The following PSIP1 variants were observed in gnomAD, a reference collection of about 807,000 sequenced individuals.
PSIP1 encodes PC4 and SFRS1-interacting protein.
In PSIP1, 19 loss-of-function variants were observed where a neutral mutation model predicts 74.7. The observed-to-expected ratio is 0.25, with a 90% CI of 0.18 to 0.37. PSIP1 has a LOEUF of 0.37. PSIP1 is among the 10% of genes least tolerant of loss of function. PSIP1 has a pLI of 1.00. For missense variants in PSIP1, 601 were observed against 614.3 expected (o/e 0.98, Z 0.23); for synonymous variants, 222 against 195.3 (o/e 1.14, Z -1.14).
At chr9:15,489,073 A>T (rs1195223525) in intron 4 of PSIP1, among the ~76,000 whole-genome samples, 1 of 152,192 alleles carries the variant, frequency 6.6e-6, no homozygotes, top group Non-Finnish European at 1.5e-5. Context: ...AGGAGAAGTA[A>T]GAGAACCAGT....
intron 2 of PSIP1, among the ~76,000 whole-genome samples, chr9:15,507,617 G>A (rs999100523): frequency 2.0e-5 from 3 of 151,974 alleles, no homozygotes; most frequent in Admixed American, 6.6e-5. Context: ...AAGCCTGGGT[G>A]ACAGAGTGAG....
intron 11 of PSIP1, 56 bp downstream of exon 11, chr9:15,469,880 CTA>C: frequency 7.1e-7 from 1 of 1,404,782 alleles, no homozygotes; most frequent in Non-Finnish European, 1.0e-6. Flanking sequence ...AAAGTTATGT[CTA>C]TATAACTTCT....
At chr9:15,470,987 G>C in intron 10 of PSIP1, 2 of 1,315,772 alleles carry the variant, frequency 1.5e-6, no homozygotes, top group South Asian at 3.9e-5. Context: ...TTAGTATGTA[G>C]TGTGTACCTT....
chr9:15,501,866 T>TATATATATAAAA (rs1491160431), intron 3 of PSIP1, among the ~76,000 whole-genome samples: 10 of 135,654 alleles, frequency 7.4e-5, no homozygotes, highest in African/African-American at 2.8e-4. Flanking sequence ...TATATATATA[T>TATATATATAAAA]AAAACGCACA....
intron 15 of PSIP1, 74 bp from the exon 16 acceptor site, chr9:15,465,654 G>T: frequency 3.2e-6 from 4 of 1,261,192 alleles, no homozygotes; most frequent in Non-Finnish European, 4.5e-6. Flanking sequence ...CATTAAGTCT[G>T]CATTATATTT....
chr9:15,505,732 T>A (rs1393615590), intron 3 of PSIP1: 1 of 152,196 alleles, frequency 6.6e-6, no homozygotes, highest in African/African-American at 2.4e-5. Flanking sequence ...GTAAATTCCA[T>A]CTCAATAGAG....
At chr9:15,492,263 A>G (rs2036865709) in intron 3 of PSIP1, 1 of 152,262 alleles carries the variant, frequency 6.6e-6, no homozygotes, top group South Asian at 2.1e-4. Context: ...CTTCCTAGAT[A>G]CAATGGGGGG....
At chr9:15,472,185 G>A in intron 10 of PSIP1, 9 of 986,436 alleles carry the variant, frequency 9.1e-6, no homozygotes, top group Non-Finnish European at 1.1e-5. Context: ...ACTTTTACTG[G>A]CTTCCTGGGT....
At position 15,486,237 on chromosome 9, in the gene PSIP1, G is replaced by A. The variant is rs539144072; in HGVS notation, c.394-169C>T. 1.5e-4 allele frequency among the ~76,000 whole-genome samples: 23 copies of A among 152,298 alleles called. No individual in the cohort carries two copies. In the East Asian group the frequency reaches 3.3e-3, roughly 22 times the overall value. On this transcript the variant is annotated intron_variant, in intron 5 of 15. Coordinates refer to ENST00000380733, the MANE Select transcript of PSIP1 (RefSeq NM_033222.5). ...ATTGTGTCTCAACATTATAAAGTGA[G>A]AAAAATGCATTTCCACTGTCAGATC...
chr9:15,489,898 C>T, intron 4 of PSIP1, 88 bp downstream of exon 4: 1 of 1,134,974 alleles, frequency 8.8e-7, no homozygotes, highest in Non-Finnish European at 1.2e-6. Flanking sequence ...ATTCCCAAGG[C>T]TTTTAGTATT....
chr9:15,494,404 A>G (rs2036975589), intron 3 of PSIP1, among the ~76,000 whole-genome samples: 1 of 151,900 alleles, frequency 6.6e-6, no homozygotes, highest in African/African-American at 2.4e-5. Flanking sequence ...CGTCTCTACT[A>G]AAAATACAAA....
intron 3 of PSIP1, among the ~76,000 whole-genome samples, chr9:15,490,991 T>C (rs1292228730): frequency 6.6e-6 from 1 of 152,344 alleles, no homozygotes; most frequent in East Asian, 1.9e-4. Context: ...GAAAACTGAA[T>C]TAGCAAATAC....
intron 9 of PSIP1, among the ~76,000 whole-genome samples, chr9:15,473,078 G>A (rs978086750): frequency 2.2e-4 from 34 of 152,146 alleles, no homozygotes; most frequent in African/African-American, 7.2e-4. Flanking sequence ...AATTTAAAAT[G>A]TTTGGTTTCT....
chr9:15,479,112 G>A lies in PSIP1; in HGVS notation c.553+479C>T, dbSNP rs561556823. Among the ~76,000 whole-genome samples the A allele has an allele frequency of 3.2e-4, 48 of 152,100 alleles. 1 individual carries two copies. The highest frequency in any genetic ancestry group is 6.8e-3 in the Middle Eastern group (2 of 294). On this transcript the variant is annotated intron_variant, in intron 7 of 15. Coordinates refer to ENST00000380733, the MANE Select transcript of PSIP1 (RefSeq NM_033222.5). ...CTCAATTTTGGTTTTGTTTTACGAA[G>A]ATTTTTCCAAAATATTTCCAATTTG...
At chr9:15,498,213 C>T (rs912399740) in intron 3 of PSIP1, among the ~76,000 whole-genome samples, 3 of 152,206 alleles carry the variant, frequency 2.0e-5, no homozygotes, top group East Asian at 1.9e-4. Flanking sequence ...GTCAGGAGTT[C>T]GAGACCAGCC....
At position 15,468,980 on chromosome 9, in the gene PSIP1, C is replaced by CT; in HGVS notation, c.1182dup (p.Glu395ArgfsTer15). 1 of 1,613,908 alleles carries CT rather than the reference C, an allele frequency of 6.2e-7. No homozygotes were observed. The highest frequency in any genetic ancestry group is 8.5e-7 in the Non-Finnish European group (1 of 1,179,920). On this transcript the variant is annotated frameshift_variant, in exon 13 of 16. Coordinates refer to ENST00000380733, the MANE Select transcript of PSIP1 (RefSeq NM_033222.5). LOFTEE classifies it high-confidence loss of function. ...ACTTTTTTCAGTGTAGTAATCATCT[C>CT]TGTGTGTTTCTGAGCTTGTTGCATT...
chr9:15,483,018 CTT>C (rs1007550263), intron 6 of PSIP1, among the ~76,000 whole-genome samples: 3 of 152,104 alleles, frequency 2.0e-5, no homozygotes, highest in Non-Finnish European at 4.4e-5. Flanking sequence ...TAGATTTTCT[CTT>C]GACAGTTCAT....
intron 10 of PSIP1, 105 bp downstream of exon 10, chr9:15,472,527 T>TC: frequency 6.8e-7 from 1 of 1,467,364 alleles, no homozygotes; most frequent in East Asian, 2.5e-5. Flanking sequence ...AAAAGTCACT[T>TC]CTTCAAAAGG....
chr9:15,469,873 G>C, intron 11 of PSIP1, 65 bp downstream of exon 11: 1 of 1,377,728 alleles, frequency 7.3e-7, no homozygotes, highest in Non-Finnish European at 1.0e-6. Context: ...TACATGAAAA[G>C]TTATGTCTAT....
Sources: gnomAD v4.1 joint callset for allele counts (sites outside exome capture counted in the v4.1 genomes callset) on GRCh38, gnomAD v4.1.1 for gene constraint, MANE v1.5 for transcripts, NCBI Gene and HGNC (gene_info 2026-07-23, HGNC 2026-07-21) for gene names.